The following IGDCC3 variants were observed in gnomAD, a reference collection of about 807,000 sequenced individuals.
IGDCC3 encodes the protein immunoglobulin superfamily DCC subclass member 3.
In IGDCC3, 47 loss-of-function variants were observed where a neutral mutation model predicts 72.0. The observed-to-expected ratio is 0.65, with a 90% CI of 0.52 to 0.83. The LOEUF (loss-of-function observed/expected upper bound fraction) is 0.83, where lower values mean the gene tolerates loss of function less well. IGDCC3 is among the 40% of genes least tolerant of loss of function. IGDCC3 has a pLI of 0.00. For missense variants in IGDCC3, 1,038 were observed against 1,091.3 expected (o/e 0.95, Z 0.69); for synonymous variants, 477 against 472.8 (o/e 1.01, Z -0.11).
chr15:65,339,230 C>T lies in IGDCC3; in HGVS notation c.410-3274G>A, dbSNP rs947405245. Among the ~76,000 whole-genome samples the T allele has an allele frequency of 8.5e-5, 13 of 152,256 alleles. No individual in the cohort carries two copies. The East Asian group carries it at 2.1e-3, about 25-fold the overall frequency. On this transcript the variant is annotated intron_variant, in intron 2 of 13. Coordinates refer to ENST00000327987, the MANE Select transcript of IGDCC3 (RefSeq NM_004884.4). The surrounding 1 kb of genome is among the most constrained non-coding windows in gnomAD (Gnocchi z 4.1). The stretch of plus-strand genomic sequence containing the variant: ...CCGAGTAGCTGGTACTACAGATGCA[C>T]GCCACCATGCCCAGCTAATTTTTGT...
Position 65,335,840 on chromosome 15 carries a change from T to C in IGDCC3, c.526A>G (p.Arg176Gly). The C allele has an allele frequency of 6.2e-7, 1 of 1,614,238 alleles. No homozygotes were observed. Among genetic ancestry groups the C allele is most frequent in the Non-Finnish European group, 8.5e-7 (1 of 1,180,030 alleles). ...PKPLITWEKN[R>G]VPIDTDNERY... ...TCATTGTCCGTGTCAATTGGGACTC[T>C]GTTCTTCTCCCAAGTGATCAGGGGT... The change falls in exon 3 of 14, where the codon AGA (arginine) becomes GGA (glycine). Residue 176 changes from arginine to glycine, a missense_variant. Arg to Gly is a moderately radical substitution (Grantham distance 125). Transcript: ENST00000327987.
chr15:65,332,133 G>T, intron 6 of IGDCC3, 27 bp from the exon 7 acceptor site: 1 of 1,603,386 alleles, frequency 6.2e-7, no homozygotes, highest in Non-Finnish European at 8.5e-7. Flanking sequence ...GAGGGTGGGG[G>T]CGCAGACAGA....
chr15:65,352,871 T>TA (rs1372158378), intron 2 of IGDCC3, among the ~76,000 whole-genome samples: 2 of 152,236 alleles, frequency 1.3e-5, no homozygotes, highest in African/African-American at 4.8e-5. Context: ...CACTTATTGT[T>TA]AAAGTCTAGT....
chr15:65,342,038 G>A (rs564104830), intron 2 of IGDCC3, among the ~76,000 whole-genome samples: 1 of 152,038 alleles, frequency 6.6e-6, no homozygotes, highest in Admixed American at 6.5e-5. Context: ...GCCTCCCAAA[G>A]TGTTGGGATT....
At chr15:65,341,203 G>A (rs186114863) in intron 2 of IGDCC3, among the ~76,000 whole-genome samples, 23 of 152,332 alleles carry the variant, frequency 1.5e-4, no homozygotes, top group African/African-American at 5.1e-4. Flanking sequence ...AATGGGATGT[G>A]TACTATCAAA....
chr15:65,357,848 C>T (rs2091235121), intron 2 of IGDCC3, among the ~76,000 whole-genome samples: 1 of 152,216 alleles, frequency 6.6e-6, no homozygotes, highest in South Asian at 2.1e-4. Flanking sequence ...ACAGCACCTG[C>T]AGCTGCCGAA....
At chr15:65,333,459 A>G (rs2090998045) in intron 5 of IGDCC3, 44 bp from the exon 6 acceptor site, 5 of 1,521,072 alleles carry the variant, frequency 3.3e-6, no homozygotes, top group Non-Finnish European at 4.4e-6. Context: ...TCAGATAGAG[A>G]TATGGAAGAA....
chr15:65,370,566 ATATG>A (rs1193591488), intron 2 of IGDCC3, among the ~76,000 whole-genome samples: 5 of 123,894 alleles, frequency 4.0e-5, no homozygotes, highest in East Asian at 2.7e-4. Flanking sequence ...GTGTATATAT[ATATG>A]TATGTATATA....
Position 65,329,336 on chromosome 15 carries a change from A to G in IGDCC3, c.2205+54T>C. The G allele has an allele frequency of 1.3e-6, 2 of 1,527,652 alleles. No homozygotes were observed. Among genetic ancestry groups the G allele is most frequent in the East Asian group, 2.3e-5 (1 of 44,310 alleles). The allele number at this position is 1,527,652 out of a possible 1,614,324, so 94.6% of individuals were successfully genotyped here. A position where few individuals can be genotyped will look rare whatever the true frequency, so the allele number is the denominator to read the frequency against. ...CAAGGTGAAGGGGGGCAGGATTGGAAGGTGGCAGTGTCAGAGCCTGAGGCG... is the reference window on the plus strand; with the variant it reads ...CAAGGTGAAGGGGGGCAGGATTGGAGGGTGGCAGTGTCAGAGCCTGAGGCG... On this transcript the variant is annotated intron_variant, in intron 13 of 13. Transcript: ENST00000327987. This position sits in a 1 kb window ranked among gnomAD's most constrained non-coding sequence, Gnocchi z 4.1.
chr15:65,332,002 A>G lies in IGDCC3; in HGVS notation c.1087T>C (p.Trp363Arg), dbSNP rs1191709768. The change falls in exon 7 of 14, where the codon TGG becomes CGG. Residue 363 changes from tryptophan to arginine, a missense_variant. Transcript: ENST00000327987. ...CCCAGCACCTGTCCATTTTTCAGCC[A>G]CGTGACATGAGGCGGTGGCTCACCC... ...AQGEPPPHVT[W>R]LKNGQVLGPG... The G allele has an allele frequency of 6.2e-7, 1 of 1,614,118 alleles. No homozygotes were observed.
At chr15:65,342,786 C>T (rs1242999662) in intron 2 of IGDCC3, among the ~76,000 whole-genome samples, 3 of 152,180 alleles carry the variant, frequency 2.0e-5, no homozygotes, top group Non-Finnish European at 2.9e-5. Context: ...CAGGGAAGGC[C>T]TCACATGGAA....
intron 2 of IGDCC3, among the ~76,000 whole-genome samples, chr15:65,369,412 G>C (rs748853635): frequency 6.6e-6 from 1 of 152,174 alleles, no homozygotes; most frequent in Non-Finnish European, 1.5e-5. Context: ...ACTTCTCAGC[G>C]GTGTCAGAAA....
At chr15:65,356,973 C>T (rs569856702) in intron 2 of IGDCC3, among the ~76,000 whole-genome samples, 15 of 150,806 alleles carry the variant, frequency 9.9e-5, no homozygotes, top group Admixed American at 1.3e-4. Context: ...CCTCCGCCTC[C>T]GAAGTAGCTG....
At position 65,328,068 on chromosome 15, in the gene IGDCC3, C is replaced by G. The variant is rs1425858007; in HGVS notation, c.*841G>C. 6.6e-6 allele frequency: 1 copy of G among 152,614 alleles called. No individual in the cohort carries two copies. The highest frequency in any genetic ancestry group is 2.4e-5 in the African/African-American group (1 of 41,424). 9.5% of individuals were successfully genotyped at this position (152,614 alleles called of 1,614,324 possible). The stretch of plus-strand genomic sequence containing the variant: ...GCTGCTTTCACATTTTTTCTCTGCC[C>G]AATCCATTTCTATTTCTGTAGGCCA... On this transcript the variant is annotated 3_prime_UTR_variant, in exon 14 of 14. Coordinates refer to ENST00000327987, the MANE Select transcript of IGDCC3 (RefSeq NM_004884.4).
intron 2 of IGDCC3, among the ~76,000 whole-genome samples, chr15:65,336,414 A>G (rs1288667799): frequency 1.3e-5 from 2 of 152,116 alleles, no homozygotes; most frequent in African/African-American, 2.4e-5. Context: ...CACATTTTAT[A>G]GAATTGGAAG....
At chr15:65,344,418 G>A (rs978022294) in intron 2 of IGDCC3, among the ~76,000 whole-genome samples, 1 of 151,980 alleles carries the variant, frequency 6.6e-6, no homozygotes, top group Admixed American at 6.6e-5. Flanking sequence ...CCACTCCCCC[G>A]CACCCAATTC....
intron 2 of IGDCC3, among the ~76,000 whole-genome samples, chr15:65,359,491 T>C (rs950719329): frequency 6.6e-6 from 1 of 152,124 alleles, no homozygotes; most frequent in African/African-American, 2.4e-5. Context: ...CATCCTGAGA[T>C]GACTGAGTAC....
chr15:65,367,849 G>A (rs565245969), intron 2 of IGDCC3, among the ~76,000 whole-genome samples: 107 of 152,182 alleles, frequency 7.0e-4, no homozygotes, highest in African/African-American at 2.3e-3. Flanking sequence ...GGACCCCAAC[G>A]CTAGGCCCCT....
chr15:65,349,890 G>A (rs1180002794), intron 2 of IGDCC3, among the ~76,000 whole-genome samples: 1 of 152,160 alleles, frequency 6.6e-6, no homozygotes, highest in African/African-American at 2.4e-5. Context: ...TAGCTCAGTA[G>A]CTAAGGTTTT....
Sources: allele counts gnomAD v4.1 joint callset (sites outside exome capture counted in the v4.1 genomes callset), GRCh38; gene constraint gnomAD v4.1.1; non-coding constraint Gnocchi (gnomAD v3.1); transcripts MANE v1.5; gene names NCBI Gene and HGNC (gene_info 2026-07-23, HGNC 2026-07-21).